ERLEC1: variants seen among roughly 807,000 people sequenced by gnomAD.
ERLEC1 encodes endoplasmic reticulum lectin 1.
ERLEC1 carries 47 observed loss-of-function variants against 68.0 expected under a neutral mutation model. The ratio of observed to expected loss-of-function variants is 0.69; its 90% confidence interval spans 0.55 to 0.88. The LOEUF is 0.88. Ranked by LOEUF, ERLEC1 falls within the 40% of genes least tolerant of loss-of-function variation. The pLI, the probability that ERLEC1 is intolerant of heterozygous loss-of-function variation, is 0.00. For synonymous variants in ERLEC1, 225 were observed against 203.2 expected (o/e 1.11, Z -0.91); for missense variants, 567 against 583.8 (o/e 0.97, Z 0.30).
intron 3 of ERLEC1, among the ~76,000 whole-genome samples, chr2:53,796,330 T>A (rs1374213951): frequency 1.3e-5 from 2 of 151,874 alleles, no homozygotes; most frequent in African/African-American, 4.8e-5. Context: ...ATTCCCCTCT[T>A]TGTGTCCATG....
rs948026739 is a variant in ERLEC1, at chr2:53,817,909, A to C, written c.1392A>C (p.Pro464=). The C allele has an allele frequency of 8.7e-6, 14 of 1,606,478 alleles. No homozygotes were observed. Among genetic ancestry groups the C allele is most frequent in the African/African-American group, 1.3e-5 (1 of 74,780 alleles). The change falls in exon 14 of 14, where the codon CCA becomes CCC. Residue 464 remains proline (P), a synonymous_variant. Transcript: ENST00000185150. ...SCQYILGVES[P]VICKILDTAD... is the part of the protein sequence containing the mutation. Reference sequence around the variant, plus strand: ...TTGTTCTTCTTTAGGTTGAATCTCCAGTGATCTGTAAAATCTTAGATACAG... The same window carrying C: ...TTGTTCTTCTTTAGGTTGAATCTCCCGTGATCTGTAAAATCTTAGATACAG...
At position 53,817,973 on chromosome 2, in the gene ERLEC1, A is replaced by G. The variant is rs1676991092; in HGVS notation, c.*4A>G. 2 of 1,516,548 alleles carry G rather than the reference A, an allele frequency of 1.3e-6. No homozygotes were observed. The highest frequency in any genetic ancestry group is 1.8e-6 in the Non-Finnish European group (2 of 1,091,484). The allele number at this position is 1,516,548 out of a possible 1,614,324, so 93.9% of individuals were successfully genotyped here. A position where few individuals can be genotyped will look rare whatever the true frequency, so the allele number is the denominator to read the frequency against. On this transcript the variant is annotated 3_prime_UTR_variant, in exon 14 of 14. Coordinates refer to ENST00000185150, the MANE Select transcript of ERLEC1 (RefSeq NM_015701.5). ...ACTTCTTTCTCTCCCCAACTAAAGG[A>G]TATTAAAGTTAGGGGAAAGAAAAGA...
Position 53,796,027 on chromosome 2 carries a change from GT to G in ERLEC1, c.348+17del. 1 of 1,530,766 alleles carries G rather than the reference GT, an allele frequency of 6.5e-7. No individual in the cohort carries two copies. The highest frequency in any genetic ancestry group is 8.9e-7 in the Non-Finnish European group (1 of 1,126,464). The allele number at this position is 1,530,766 out of a possible 1,614,324, so 94.8% of individuals were successfully genotyped here. Reference sequence around the variant, plus strand: ...TGTTCCTACAGAGTATGTATTTTATGTTTACTTGATGACTAGAAAATAGATT... The same window carrying G: ...TGTTCCTACAGAGTATGTATTTTATGTTACTTGATGACTAGAAAATAGATT... On this transcript the variant is annotated intron_variant, in intron 3 of 13. Transcript: ENST00000185150.
At chr2:53,792,425 A>G (rs554777959) in intron 1 of ERLEC1, among the ~76,000 whole-genome samples, 1 of 152,346 alleles carries the variant, frequency 6.6e-6, no homozygotes, top group East Asian at 1.9e-4. Flanking sequence ...AAAAGCTCAC[A>G]GAATATGGAG....
Position 53,797,782 on chromosome 2 carries a change from TC to T in ERLEC1, c.478del (p.Leu160TyrfsTer26). On this transcript the variant is annotated frameshift_variant, in exon 5 of 14. Coordinates refer to ENST00000185150, the MANE Select transcript of ERLEC1 (RefSeq NM_015701.5). LOFTEE classifies it high-confidence loss of function. ...TTGGGAATATGTTGGCCAAGAACCT[TC>T]TATTTGAAAAAGGTTGGTGTCTACC... ...YLGNMLAKNL[L>X]FEKEREAEEK... 6.2e-7 allele frequency: 1 copy of T among 1,612,624 alleles called. No homozygotes were observed. Among genetic ancestry groups the T allele is most frequent in the Non-Finnish European group, 8.5e-7 (1 of 1,179,304 alleles).
chr2:53,818,164 C>G lies in ERLEC1; in HGVS notation c.*195C>G, dbSNP rs1459919967. On this transcript the variant is annotated 3_prime_UTR_variant, in exon 14 of 14. Coordinates refer to ENST00000185150, the MANE Select transcript of ERLEC1 (RefSeq NM_015701.5). ...ACTTCTGAGGCAGACATTTGTCTCG[C>G]TTTTTTTCATTTTTGTTGTGTCTTA... The G allele has an allele frequency of 2.3e-6, 1 of 428,616 alleles. No individual in the cohort carries two copies. 26.6% of individuals were successfully genotyped at this position (428,616 alleles called of 1,614,324 possible). A position where few individuals can be genotyped will look rare whatever the true frequency, so the allele number is the denominator to read the frequency against.
chr2:53,804,146 TA>T (rs1295043457), intron 8 of ERLEC1, among the ~76,000 whole-genome samples: 2 of 152,054 alleles, frequency 1.3e-5, no homozygotes, highest in South Asian at 4.2e-4. Context: ...AAAATGAAAA[TA>T]AAAAAATAAA....
At position 53,801,417 on chromosome 2, in the gene ERLEC1, A is replaced by C; in HGVS notation, c.546A>C (p.Glu182Asp). ...TTAAGATTCCCACTAAAAATATCGA[A>C]GGTCAGATGACACCATACTATCCTG... Reference protein sequence around the residue: ...KSNEIPTKNIEGQMTPYYPVG... With the variant: ...KSNEIPTKNIDGQMTPYYPVG... Residue 182 changes from glutamate (E) to aspartate (D), a missense_variant, in exon 7 of 14, where the codon GAA becomes GAC. Transcript: ENST00000185150. 1 of 1,613,424 alleles carries C rather than the reference A, an allele frequency of 6.2e-7. No individual in the cohort carries two copies. Among genetic ancestry groups the C allele is most frequent in the Non-Finnish European group, 8.5e-7 (1 of 1,179,730 alleles).
intron 8 of ERLEC1, among the ~76,000 whole-genome samples, chr2:53,805,370 T>C (rs1173969400): frequency 2.0e-5 from 3 of 152,122 alleles, no homozygotes; most frequent in Non-Finnish European, 4.4e-5. Flanking sequence ...ATTGTGTATA[T>C]GTACCCTTTT....
Position 53,814,536 on chromosome 2 carries a change from G to A in ERLEC1, c.1227-7G>A. The A allele has an allele frequency of 1.9e-6, 3 of 1,604,646 alleles. 1 individual carries two copies. The South Asian group carries it at 3.3e-5, about 18-fold the overall frequency. ...TTTAATAAAACTTGTGTGTTTCTCT[G>A]ATTCAGGATGGTGTCACATTTTTAT... On this transcript the variant is annotated splice_polypyrimidine_tract_variant and splice_region_variant and intron_variant, in intron 11 of 13. Transcript: ENST00000185150.
At position 53,800,696 on chromosome 2, in the gene ERLEC1, G is replaced by A. The variant is rs565943454; in HGVS notation, c.526-701G>A. On this transcript the variant is annotated intron_variant, in intron 6 of 13. Transcript: ENST00000185150. ...TAGAGTGGATTTTTCTTGTGTTTATGTAGAGAAAAGTGTAGGAGCTAACTT... is the reference window on the plus strand; with the variant it reads ...TAGAGTGGATTTTTCTTGTGTTTATATAGAGAAAAGTGTAGGAGCTAACTT... 3.3e-5 allele frequency among the ~76,000 whole-genome samples: 5 copies of A among 152,196 alleles called. No homozygotes were observed. The East Asian group carries it at 9.6e-4, about 29-fold the overall frequency.
intron 1 of ERLEC1, among the ~76,000 whole-genome samples, chr2:53,791,906 TAAAAAAAAAA>T (rs569591198): frequency 1.0e-4 from 12 of 117,762 alleles, no homozygotes; most frequent in South Asian, 2.9e-4. Context: ...AATGCTCTTT[TAAAAAAAAAA>T]AAAAAAAAAA....
intron 13 of ERLEC1, among the ~76,000 whole-genome samples, chr2:53,816,991 G>A (rs917098551): frequency 2.6e-5 from 4 of 151,818 alleles, no homozygotes; most frequent in African/African-American, 4.8e-5. Context: ...CCTTTGTTTC[G>A]ATTTGGGTCA....
At chr2:53,807,589 A>G (rs1676362795) in intron 8 of ERLEC1, among the ~76,000 whole-genome samples, 1 of 152,140 alleles carries the variant, frequency 6.6e-6, no homozygotes. Context: ...ACTAATATTC[A>G]TATTTATTTG....
In ERLEC1 at chr2:53,787,147, C is replaced by CCAACAA; in HGVS notation, c.-63_-62insAACAAC. 1 of 1,418,078 alleles carries CCAACAA rather than the reference C, an allele frequency of 7.1e-7. No individual in the cohort carries two copies. Among genetic ancestry groups the CCAACAA allele is most frequent in the Non-Finnish European group, 9.3e-7 (1 of 1,073,838 alleles). The allele number at this position is 1,418,078 out of a possible 1,614,324, so 87.8% of individuals were successfully genotyped here. On this transcript the variant is annotated 5_prime_UTR_variant, in exon 1 of 14. Transcript: ENST00000185150. The stretch of plus-strand genomic sequence containing the variant: ...GCCGCCTCCTCCTCCACCTCCTCCT[C>CCAACAA]CTCCTCCTCTCCTCCTGGAGCAGAG...
intron 5 of ERLEC1, among the ~76,000 whole-genome samples, chr2:53,798,478 C>G (rs188902381): frequency 2.7e-3 from 404 of 151,926 alleles, no homozygotes; most frequent in African/African-American, 9.0e-3. Flanking sequence ...CCAGGCTGGT[C>G]TCAAACTCCT....
intron 1 of ERLEC1, among the ~76,000 whole-genome samples, chr2:53,791,289 A>G (rs1426404512): frequency 6.6e-6 from 1 of 152,208 alleles, no homozygotes; most frequent in Non-Finnish European, 1.5e-5. Context: ...CTCTAATAAA[A>G]TTTGACTTTG....
intron 10 of ERLEC1, among the ~76,000 whole-genome samples, 180 bp from the exon 11 acceptor site, chr2:53,812,769 G>A (rs1222972279): frequency 1.3e-5 from 2 of 152,108 alleles, no homozygotes; most frequent in African/African-American, 4.8e-5. Flanking sequence ...GAGAAACAAG[G>A]AATAAAGAAG....
chr2:53,806,969 T>C (rs759684804), intron 8 of ERLEC1, among the ~76,000 whole-genome samples: 10 of 152,324 alleles, frequency 6.6e-5, no homozygotes, highest in Admixed American at 1.3e-4. Flanking sequence ...CTTTAGATTC[T>C]CTTCATCTCT....
Sources: allele counts gnomAD v4.1 joint callset (sites outside exome capture counted in the v4.1 genomes callset), GRCh38; gene constraint gnomAD v4.1.1; transcripts MANE v1.5; gene names NCBI Gene and HGNC (gene_info 2026-07-23, HGNC 2026-07-21).